TSPAN8: variants seen among roughly 807,000 people sequenced by gnomAD.
The protein encoded by TSPAN8 is tetraspanin 8, also known as tetraspanin-8.
Under a neutral mutation model 32.8 loss-of-function variants are expected in TSPAN8, and 21 were observed. The ratio of observed to expected loss-of-function variants is 0.64; its 90% CI spans 0.45 to 0.92. The LOEUF (loss-of-function observed/expected upper bound fraction) is 0.92, where lower values mean the gene tolerates loss of function less well. Among genes scored for constraint, TSPAN8 ranks in the 40% least tolerant of loss-of-function variants. The probability of loss-of-function intolerance (pLI) is 0.00; values close to 1 mark genes in which losing one functional copy is unlikely to be tolerated. For missense variants in TSPAN8, 269 were observed against 281.9 expected, an observed-to-expected ratio of 0.95 and a Z score of 0.33; for synonymous variants, 95 against 94.6, an observed-to-expected ratio of 1.00 and a Z score of -0.03.
At position 71,157,728 on chromosome 12, in the gene TSPAN8, C is replaced by G; in HGVS notation, c.-50G>C. The G allele has an allele frequency of 6.9e-7, 1 of 1,450,178 alleles. No individual in the cohort carries two copies. The highest frequency in any genetic ancestry group is 9.7e-7 in the Non-Finnish European group (1 of 1,031,306). 89.8% of individuals were successfully genotyped at this position (1,450,178 alleles called of 1,614,324 possible). On this transcript the variant is annotated 5_prime_UTR_variant, in exon 2 of 9. Transcript: ENST00000247829. ...ATGCCGTGAATTTAACTATTCGTTA[C>G]AGGCTTGTCCTGCAATATGCTCTGG...
At chr12:71,140,391 C>T (rs1871865062) in intron 3 of TSPAN8, among the ~76,000 whole-genome samples, 2 of 152,184 alleles carry the variant, frequency 1.3e-5, no homozygotes, top group Non-Finnish European at 2.9e-5. Context: ...CAGTGCTTGA[C>T]TTTGAGCAAG....
intron 8 of TSPAN8, among the ~76,000 whole-genome samples, chr12:71,128,106 C>A (rs1871400006): frequency 6.6e-6 from 1 of 152,074 alleles, no homozygotes; most frequent in African/African-American, 2.4e-5. Context: ...TCCATAGCAC[C>A]ATTTGACTCT....
intron 3 of TSPAN8, among the ~76,000 whole-genome samples, chr12:71,140,365 G>A (rs1871864538): frequency 6.6e-6 from 1 of 152,226 alleles, no homozygotes; most frequent in East Asian, 1.9e-4. Flanking sequence ...CAAAACTATG[G>A]TTATAAAAAT....
chr12:71,155,611 T>C (rs528366125), intron 2 of TSPAN8, among the ~76,000 whole-genome samples: 7 of 152,292 alleles, frequency 4.6e-5, no homozygotes, highest in African/African-American at 1.4e-4. Flanking sequence ...TATGAGGTAA[T>C]CGGAAATTTC....
intron 2 of TSPAN8, among the ~76,000 whole-genome samples, chr12:71,152,879 A>G (rs986914052): frequency 2.0e-5 from 3 of 152,176 alleles, no homozygotes; most frequent in Non-Finnish European, 4.4e-5. Flanking sequence ...AGCACATCCA[A>G]TCTCAATAAA....
intron 7 of TSPAN8, among the ~76,000 whole-genome samples, chr12:71,132,123 T>C (rs1871535773): frequency 6.6e-6 from 1 of 152,188 alleles, no homozygotes; most frequent in Non-Finnish European, 1.5e-5. Context: ...TTAACCTATC[T>C]TTTTCAATTG....
intron 6 of TSPAN8, among the ~76,000 whole-genome samples, chr12:71,135,673 A>G (rs1408959195): frequency 6.6e-6 from 1 of 152,178 alleles, no homozygotes; most frequent in Non-Finnish European, 1.5e-5. Flanking sequence ...AGAACATGCT[A>G]CAACAAACAG....
intron 4 of TSPAN8, 53 bp downstream of exon 4, chr12:71,139,658 A>G: frequency 1.9e-6 from 3 of 1,590,714 alleles, no homozygotes; most frequent in Non-Finnish European, 2.6e-6. Flanking sequence ...GGGATGGGAG[A>G]GAATCCTCTG....
intron 6 of TSPAN8, 35 bp from the exon 7 acceptor site, chr12:71,132,859 T>G (rs1467170047): frequency 6.2e-7 from 1 of 1,611,598 alleles, no homozygotes; most frequent in Middle Eastern, 1.7e-4. Context: ...AAGCAGTCAG[T>G]AAGAAGATTA....
rs116721247 is a variant in TSPAN8 at position 71,147,726 on chromosome 12, G to C, written c.61-3513C>G. The stretch of plus-strand genomic sequence containing the variant: ...TGCAGACTGTAGGATTGTTACTTGT[G>C]AGTTTTTTTGCATTTCCTTCATCAA... On this transcript the variant is annotated intron_variant, in intron 2 of 8. Transcript: ENST00000247829. Among the ~76,000 whole-genome samples the C allele has an allele frequency of 5.1e-3, 783 of 152,258 alleles. 7 individuals carry two copies. The highest frequency in any genetic ancestry group is 0.017 in the African/African-American group (723 of 41,560).
intron 4 of TSPAN8, 51 bp from the exon 5 acceptor site, chr12:71,138,281 T>C (rs1393556298): frequency 6.5e-7 from 1 of 1,528,890 alleles, no homozygotes; most frequent in Admixed American, 1.7e-5. Context: ...TTCAGTAACA[T>C]CTGGGGACAT....
intron 2 of TSPAN8, among the ~76,000 whole-genome samples, chr12:71,145,462 C>T (rs1006995805): frequency 6.6e-6 from 1 of 151,980 alleles, no homozygotes; most frequent in Admixed American, 6.6e-5. Context: ...GCTCTTTAAC[C>T]ACCAAATAAC....
intron 6 of TSPAN8, among the ~76,000 whole-genome samples, chr12:71,135,233 AGGAGGAGGAGGAGGAGGAGGAGGTAAG>A (rs1871647526): frequency 3.0e-5 from 2 of 66,448 alleles, no homozygotes; most frequent in African/African-American, 4.7e-5. Context: ...AAGAAGAAGG[AGGAGGAGGAGGAGGAGGAGGAGGTAAG>A]AAGAGGAGGA....
chr12:71,139,349 C>T (rs1871819468), intron 4 of TSPAN8: 1 of 448,462 alleles, frequency 2.2e-6, no homozygotes, highest in Non-Finnish European at 4.2e-6. Context: ...TTGCCCTTTG[C>T]TTCTGGGGCC....
intron 4 of TSPAN8, among the ~76,000 whole-genome samples, chr12:71,138,984 A>G (rs1190929425): frequency 1.1e-5 from 1 of 90,246 alleles, no homozygotes; most frequent in African/African-American, 4.9e-5. Context: ...TAATATTTTT[A>G]CTATATCCAT....
intron 2 of TSPAN8, among the ~76,000 whole-genome samples, 189 bp from the exon 3 acceptor site, chr12:71,144,402 A>G (rs537911243): frequency 2.9e-4 from 44 of 152,330 alleles, no homozygotes; most frequent in African/African-American, 1.0e-3. Flanking sequence ...TGTAAGTTTG[A>G]TGAGAATAAT....
At chr12:71,138,853 C>A (rs546247526) in intron 4 of TSPAN8, among the ~76,000 whole-genome samples, 1 of 152,218 alleles carries the variant, frequency 6.6e-6, no homozygotes, top group Non-Finnish European at 1.5e-5. Context: ...AATAAACAAA[C>A]AGTTTTGAAC....
intron 2 of TSPAN8, among the ~76,000 whole-genome samples, chr12:71,155,137 C>T (rs1040577372): frequency 2.0e-5 from 3 of 152,086 alleles, no homozygotes; most frequent in East Asian, 1.9e-4. Context: ...ATGGGATACC[C>T]AGGTAATTAA....
At chr12:71,142,236 GA>G (rs1383238457) in intron 3 of TSPAN8, among the ~76,000 whole-genome samples, 1 of 152,186 alleles carries the variant, frequency 6.6e-6, no homozygotes, top group Non-Finnish European at 1.5e-5. Flanking sequence ...AGAGGCTGAT[GA>G]AGCGTGAGTC....
Sources: gnomAD v4.1 joint callset for allele counts (sites outside exome capture counted in the v4.1 genomes callset) on GRCh38, gnomAD v4.1.1 for gene constraint, MANE v1.5 for transcripts, NCBI Gene and HGNC (gene_info 2026-07-23, HGNC 2026-07-21) for gene names.